The following MIPOL1 variants were observed in gnomAD, a reference collection of about 807,000 sequenced individuals.
MIPOL1 encodes the protein mirror-image polydactyly gene 1 protein.
Under a neutral mutation model 60.9 loss-of-function variants are expected in MIPOL1, and 57 were observed. That is an observed-to-expected ratio of 0.94 (90% confidence interval 0.76 to 1.17). The LOEUF (loss-of-function observed/expected upper bound fraction) is 1.17, where lower values mean the gene tolerates loss of function less well. MIPOL1 is among the 50% of genes most tolerant of loss of function. The pLI is 0.00. For missense variants in MIPOL1, 551 were observed against 511.6 expected, an observed-to-expected ratio of 1.08 and a Z score of -0.74; for synonymous variants, 179 against 168.8, an observed-to-expected ratio of 1.06 and a Z score of -0.47.
intron 12 of MIPOL1, 35 bp downstream of exon 12, chr14:37,500,173 A>G (rs774943906): frequency 7.4e-7 from 1 of 1,359,280 alleles, no homozygotes; most frequent in African/African-American, 1.5e-5. Flanking sequence ...TACTTCAAAC[A>G]CATGAAACAA....
chr14:37,370,585 T>G (rs759873181), intron 10 of MIPOL1, among the ~76,000 whole-genome samples: 26 of 152,196 alleles, frequency 1.7e-4, no homozygotes, highest in Non-Finnish European at 3.4e-4. Context: ...AGGAAAATGG[T>G]GACATTTTAA....
At chr14:37,351,329 T>G (rs1043538528) in intron 9 of MIPOL1, among the ~76,000 whole-genome samples, 1 of 143,860 alleles carries the variant, frequency 7.0e-6, no homozygotes, top group African/African-American at 2.6e-5. Context: ...TTGGGTTGGT[T>G]CCAAGTCTTT....
intron 9 of MIPOL1, among the ~76,000 whole-genome samples, chr14:37,338,688 T>C (rs2090369424): frequency 6.6e-6 from 1 of 151,604 alleles, no homozygotes; most frequent in African/African-American, 2.4e-5. Context: ...GAATTACAGA[T>C]GTGAGCCACC....
At chr14:37,491,749 C>G (rs1204286478) in intron 11 of MIPOL1, among the ~76,000 whole-genome samples, 2 of 152,024 alleles carry the variant, frequency 1.3e-5, no homozygotes, top group Non-Finnish European at 2.9e-5. Flanking sequence ...AATTGACTTA[C>G]TTTATAATAA....
intron 10 of MIPOL1, among the ~76,000 whole-genome samples, chr14:37,379,984 A>G (rs2092883205): frequency 6.6e-6 from 1 of 152,090 alleles, no homozygotes; most frequent in African/African-American, 2.4e-5. Flanking sequence ...ACCTTGAGCT[A>G]TATGGCCTGG....
intron 7 of MIPOL1, among the ~76,000 whole-genome samples, chr14:37,291,261 A>G (rs1321403378): frequency 1.3e-5 from 2 of 151,978 alleles, no homozygotes; most frequent in African/African-American, 4.8e-5. Context: ...TTGGTTTTCT[A>G]CTTTAGAGAC....
chr14:37,547,131 T>C lies in MIPOL1; in HGVS notation c.*160T>C, dbSNP rs1646845097. On this transcript the variant is annotated 3_prime_UTR_variant, in exon 13 of 13. Transcript: ENST00000684589. Reference sequence around the variant, plus strand: ...TGAGATAAAATCAAATCACAAATGTTTAACCACTTTGCTGCTGACTTGAGT... The same window carrying C: ...TGAGATAAAATCAAATCACAAATGTCTAACCACTTTGCTGCTGACTTGAGT... 1.7e-6 allele frequency: 1 copy of C among 604,138 alleles called. No individual in the cohort carries two copies. The highest frequency in any genetic ancestry group is 2.9e-6 in the Non-Finnish European group (1 of 343,284). 37.4% of individuals were successfully genotyped at this position (604,138 alleles called of 1,614,324 possible).
chr14:37,247,808 C>A, intron 2 of MIPOL1, 21 bp from the exon 3 acceptor site: 1 of 1,401,258 alleles, frequency 7.1e-7, no homozygotes, highest in Non-Finnish European at 1.0e-6. Flanking sequence ...GTTTATTTAT[C>A]TAGAGTTGGC....
intron 1 of MIPOL1, among the ~76,000 whole-genome samples, chr14:37,235,033 C>T (rs1295557077): frequency 4.0e-5 from 6 of 150,932 alleles, no homozygotes; most frequent in East Asian, 2.0e-4. Flanking sequence ...CCTTGTGATC[C>T]GCCTGCCTTG....
chr14:37,372,354 A>G lies in MIPOL1; in HGVS notation c.936+2730A>G, dbSNP rs557997380. 8.5e-5 allele frequency among the ~76,000 whole-genome samples: 13 copies of G among 152,286 alleles called. No individual in the cohort carries two copies. In the East Asian group the frequency reaches 2.5e-3, roughly 29 times the overall value. ...AATAATAATGTCTTTATTTGTTCTAATAACCAGAGATCTTTTTCTAAATGA... is the reference window on the plus strand; with the variant it reads ...AATAATAATGTCTTTATTTGTTCTAGTAACCAGAGATCTTTTTCTAAATGA... On this transcript the variant is annotated intron_variant, in intron 10 of 12. Transcript: ENST00000684589.
At chr14:37,498,667 T>C (rs1349087156) in intron 11 of MIPOL1, among the ~76,000 whole-genome samples, 1 of 152,172 alleles carries the variant, frequency 6.6e-6, no homozygotes, top group Non-Finnish European at 1.5e-5. Flanking sequence ...CACACTATTC[T>C]AATTTTCTGT....
intron 1 of MIPOL1, among the ~76,000 whole-genome samples, chr14:37,242,634 A>G (rs1311776612): frequency 1.3e-5 from 2 of 152,078 alleles, no homozygotes; most frequent in African/African-American, 4.8e-5. Context: ...CTTGCTAGTC[A>G]TGTCCCTCCA....
chr14:37,287,833 T>G (rs920540068), intron 7 of MIPOL1, among the ~76,000 whole-genome samples: 2 of 152,158 alleles, frequency 1.3e-5, no homozygotes, highest in Non-Finnish European at 2.9e-5. Flanking sequence ...TTCACCATGT[T>G]GCCCAGGCTG....
intron 1 of MIPOL1, among the ~76,000 whole-genome samples, chr14:37,220,388 G>A (rs1162488313): frequency 1.3e-5 from 2 of 152,058 alleles, no homozygotes; most frequent in African/African-American, 4.8e-5. Flanking sequence ...TAAGCAGCAT[G>A]TCTTGAAAGT....
In MIPOL1 at chr14:37,350,850, T is replaced by C. The variant is rs191672737; in HGVS notation, c.829-18667T>C. On this transcript the variant is annotated intron_variant, in intron 9 of 12. Coordinates refer to ENST00000684589, the MANE Select transcript of MIPOL1 (RefSeq NM_001388067.1). ...GCGATGATCTCTTTCTGTGCTTGGA[T>C]TGTTTCAGTTAACATAATGATCTCC... Among the ~76,000 whole-genome samples, 723 of 152,302 alleles carry C rather than the reference T, an allele frequency of 4.7e-3. 4 individuals carry two copies. The highest frequency in any genetic ancestry group is 7.2e-3 in the Non-Finnish European group (487 of 68,024).
chr14:37,437,155 C>T (rs945330419), intron 11 of MIPOL1, among the ~76,000 whole-genome samples: 5 of 152,072 alleles, frequency 3.3e-5, no homozygotes, highest in African/African-American at 1.2e-4. Context: ...TTATGACAAT[C>T]AGTATTCTAT....
intron 11 of MIPOL1, among the ~76,000 whole-genome samples, chr14:37,468,994 G>A (rs2094639551): frequency 6.6e-6 from 1 of 152,122 alleles, no homozygotes; most frequent in Non-Finnish European, 1.5e-5. Context: ...AAGAAATTTG[G>A]ACTTTATCCT....
chr14:37,210,587 T>G (rs1182176523), intron 1 of MIPOL1, among the ~76,000 whole-genome samples: 1 of 152,034 alleles, frequency 6.6e-6, no homozygotes, highest in Non-Finnish European at 1.5e-5. Context: ...GCTTGAAGAT[T>G]AGGCGGGCAG....
intron 1 of MIPOL1, among the ~76,000 whole-genome samples, chr14:37,214,453 C>T (rs1967237785): frequency 6.6e-6 from 1 of 152,100 alleles, no homozygotes; most frequent in Non-Finnish European, 1.5e-5. Context: ...TTGTGGGCGG[C>T]AAGCCACCCA....
Sources: gnomAD v4.1 joint callset for allele counts (sites outside exome capture counted in the v4.1 genomes callset) on GRCh38, gnomAD v4.1.1 for gene constraint, MANE v1.5 for transcripts, NCBI Gene and HGNC (gene_info 2026-07-23, HGNC 2026-07-21) for gene names.